The following LYRM4 variants were observed in gnomAD, a reference collection of about 807,000 sequenced individuals.
LYRM4 encodes LYR motif-containing protein 4.
Under a neutral mutation model 11.7 loss-of-function variants are expected in LYRM4, and 9 were observed. The ratio of observed to expected loss-of-function variants is 0.77; its 90% CI spans 0.46 to 1.34. The LOEUF is 1.34. Among genes scored for constraint, LYRM4 ranks in the 40% most tolerant of loss-of-function variants. The pLI is 0.00. For synonymous variants in LYRM4, 42 were observed against 40.4 expected (o/e 1.04, Z -0.15); for missense variants, 133 against 112.5 (o/e 1.18, Z -0.82).
At chr6:5,121,583 T>C (rs1276400580) in intron 2 of LYRM4, among the ~76,000 whole-genome samples, 1 of 151,498 alleles carries the variant, frequency 6.6e-6, no homozygotes, top group Non-Finnish European at 1.5e-5. Flanking sequence ...GCACACCACG[T>C]TACATGTCAG....
chr6:5,183,737 C>A (rs925783726), intron 2 of LYRM4, among the ~76,000 whole-genome samples: 8 of 152,040 alleles, frequency 5.3e-5, no homozygotes, highest in Non-Finnish European at 7.4e-5. Flanking sequence ...TAGAAATAAA[C>A]AAAATTGGAG....
chr6:5,175,516 G>A (rs951343140), intron 2 of LYRM4, among the ~76,000 whole-genome samples: 8 of 152,112 alleles, frequency 5.3e-5, no homozygotes, highest in Non-Finnish European at 1.2e-4. Context: ...TGGGAGAGGA[G>A]AATTAAAGAA....
At chr6:5,123,768 G>A (rs1172126096) in intron 2 of LYRM4, among the ~76,000 whole-genome samples, 1 of 152,234 alleles carries the variant, frequency 6.6e-6, no homozygotes, top group East Asian at 1.9e-4. Context: ...TCACCTGTAG[G>A]GCGAGGACCT....
In LYRM4 at chr6:5,109,250, G is replaced by T. The variant is rs1762767418; in HGVS notation, c.*173C>A. 2.0e-6 allele frequency: 3 copies of T among 1,472,000 alleles called. No individual in the cohort carries two copies. Among genetic ancestry groups the T allele is most frequent in the Non-Finnish European group, 2.7e-6 (3 of 1,111,242 alleles). 91.2% of individuals were successfully genotyped at this position (1,472,000 alleles called of 1,614,324 possible). ...ACACTTGAACCAAGGAAAGACAGCA[G>T]TCCTTTTTCACTAAGCCTGCAACAG... On this transcript the variant is annotated 3_prime_UTR_variant, in exon 3 of 3. Coordinates refer to ENST00000330636, the MANE Select transcript of LYRM4 (RefSeq NM_020408.6).
chr6:5,245,113 AATATATATATATATATATATAT>A (rs1158676783), intron 1 of LYRM4, among the ~76,000 whole-genome samples: 27 of 24,136 alleles, frequency 1.1e-3, no homozygotes, highest in African/African-American at 3.8e-3. Context: ...AAAAAAAAAA[AATATATATATATATATATATAT>A]ATATATATAT....
At chr6:5,199,053 A>T (rs1761233628) in intron 2 of LYRM4, among the ~76,000 whole-genome samples, 1 of 152,252 alleles carries the variant, frequency 6.6e-6, no homozygotes, top group Non-Finnish European at 1.5e-5. Context: ...TTCCACTTCT[A>T]AGTATATATA....
At position 5,260,760 on chromosome 6, in the gene LYRM4, T is replaced by A. The variant is rs369579553; in HGVS notation, c.-27A>T. The A allele has an allele frequency of 1.9e-5, 30 of 1,538,684 alleles. No individual in the cohort carries two copies. The African/African-American group carries it at 3.9e-4, about 20-fold the overall frequency. On this transcript the variant is annotated 5_prime_UTR_variant, in exon 1 of 3. Coordinates refer to ENST00000330636, the MANE Select transcript of LYRM4 (RefSeq NM_020408.6). ...TTGGAAAGAAAAAAAAATAAACGGGTCCTCTTCGCCGAGGTCCCAAGTACG... is the reference window on the plus strand; with the variant it reads ...TTGGAAAGAAAAAAAAATAAACGGGACCTCTTCGCCGAGGTCCCAAGTACG...
intron 2 of LYRM4, among the ~76,000 whole-genome samples, chr6:5,151,135 T>C (rs1357717149): frequency 3.3e-5 from 5 of 151,002 alleles, no homozygotes; most frequent in South Asian, 2.1e-4. Context: ...CTAGGCTGGA[T>C]TGCAGTGGCA....
At chr6:5,075,810 T>C in the LYRM4 span, among the ~76,000 whole-genome samples, 1 of 152,222 alleles carries the variant, frequency 6.6e-6, no homozygotes, top group South Asian at 2.1e-4. Context: ...TTTTGCTGTT[T>C]TACAAAATGG....
the LYRM4 span, among the ~76,000 whole-genome samples, chr6:5,091,662 G>T: frequency 3.9e-5 from 6 of 152,206 alleles, no homozygotes; most frequent in Non-Finnish European, 8.8e-5. Flanking sequence ...AAGATCAAGG[G>T]CTTCCTTTTA....
At chr6:5,230,153 C>T (rs1763148628) in intron 1 of LYRM4, among the ~76,000 whole-genome samples, 2 of 152,172 alleles carry the variant, frequency 1.3e-5, no homozygotes, top group South Asian at 4.1e-4. Flanking sequence ...CCTATTTAGA[C>T]AGTGCAATTT....
At chr6:5,075,208 C>T in the LYRM4 span, among the ~76,000 whole-genome samples, 2 of 152,154 alleles carry the variant, frequency 1.3e-5, no homozygotes, top group African/African-American at 4.8e-5. Flanking sequence ...TATAAATTAT[C>T]CAGTCTCAGA....
chr6:5,186,517 C>T, intron 2 of LYRM4: 1 of 938,672 alleles, frequency 1.1e-6, no homozygotes, highest in Non-Finnish European at 1.3e-6. Context: ...TTAAACTGAA[C>T]TCCCATCTCC....
At chr6:5,126,835 G>A (rs977355880) in intron 2 of LYRM4, among the ~76,000 whole-genome samples, 2 of 152,182 alleles carry the variant, frequency 1.3e-5, no homozygotes, top group Non-Finnish European at 2.9e-5. Context: ...CAAGTGGGAG[G>A]GAGTGTGGAG....
intron 2 of LYRM4, among the ~76,000 whole-genome samples, chr6:5,182,022 C>G (rs1368986140): frequency 6.6e-6 from 1 of 152,114 alleles, no homozygotes; most frequent in Non-Finnish European, 1.5e-5. Flanking sequence ...AAAAATACCT[C>G]CCCCCCAATC....
At chr6:5,136,025 T>G (rs1012167099) in intron 2 of LYRM4, 6 of 152,672 alleles carry the variant, frequency 3.9e-5, no homozygotes, top group Admixed American at 3.3e-4. Context: ...CTATGGCTTA[T>G]TTCACTTAGG....
chr6:5,139,608 C>T (rs546630402), intron 2 of LYRM4, among the ~76,000 whole-genome samples: 1 of 152,272 alleles, frequency 6.6e-6, no homozygotes, highest in African/African-American at 2.4e-5. Context: ...GAACTGTAAC[C>T]TAACTGGATG....
chr6:5,131,965 C>T (rs942672256), intron 2 of LYRM4, among the ~76,000 whole-genome samples: 8 of 93,430 alleles, frequency 8.6e-5, no homozygotes, highest in Admixed American at 1.1e-4. Flanking sequence ...TTTAAGCAGT[C>T]GTGGATCCCC....
chr6:5,140,013 C>T (rs1231453588), intron 2 of LYRM4, among the ~76,000 whole-genome samples: 1 of 151,708 alleles, frequency 6.6e-6, no homozygotes, highest in Admixed American at 6.6e-5. Context: ...GCAGGTGGAT[C>T]ACTCGTGCCC....
Sources: allele counts gnomAD v4.1 joint callset (sites outside exome capture counted in the v4.1 genomes callset), GRCh38; gene constraint gnomAD v4.1.1; transcripts MANE v1.5; gene names NCBI Gene and HGNC (gene_info 2026-07-23, HGNC 2026-07-21).